SHOC1: variants seen among roughly 807,000 people sequenced by gnomAD.
The protein encoded by SHOC1 is protein shortage in chiasmata 1 ortholog.
Under a neutral mutation model 179.2 loss-of-function variants are expected in SHOC1, and 136 were observed. That is an observed-to-expected ratio of 0.76 (90% CI 0.66 to 0.87). The LOEUF (loss-of-function observed/expected upper bound fraction) is 0.87, where lower values mean the gene tolerates loss of function less well. SHOC1 is among the 40% of genes least tolerant of loss of function. The probability of loss-of-function intolerance (pLI) is 0.00; values close to 1 mark genes in which losing one functional copy is unlikely to be tolerated. For missense variants in SHOC1, 1,538 were observed against 1,700.8 expected, an observed-to-expected ratio of 0.90 and a Z score of 1.68; for synonymous variants, 489 against 586.6, an observed-to-expected ratio of 0.83 and a Z score of 2.41.
At chr9:111,727,251 A>G (rs573355439) in intron 13 of SHOC1, among the ~76,000 whole-genome samples, 18 of 152,308 alleles carry the variant, frequency 1.2e-4, no homozygotes, top group African/African-American at 4.1e-4. Flanking sequence ...AAGTACACAT[A>G]AAAATATAAT....
Position 111,689,351 on chromosome 9 carries a change from T to A in SHOC1, c.4426+2200A>T, listed in dbSNP as rs577594247. ...TGTCAATAATAATAATAATAATAAT[T>A]ATTATTATTATTTTAAAAAGCAATG... On this transcript the variant is annotated intron_variant, in intron 27 of 27. Transcript: ENST00000682961. 3.2e-3 allele frequency among the ~76,000 whole-genome samples: 452 copies of A among 143,106 alleles called. 2 individuals carry two copies. Among genetic ancestry groups the A allele is most frequent in the East Asian group, 0.014 (62 of 4,556 alleles). 93.9% of individuals were successfully genotyped at this position (143,106 alleles called of 152,430 possible).
At chr9:111,789,921 T>C (rs1211269214) in intron 2 of SHOC1, among the ~76,000 whole-genome samples, 1 of 152,216 alleles carries the variant, frequency 6.6e-6, no homozygotes, top group African/African-American at 2.4e-5. Context: ...ATGTCTTTCT[T>C]ATTTCCTGTA....
chr9:111,738,631 GCATTAGAAAATAA>G, intron 11 of SHOC1, 109 bp from the exon 12 acceptor site: 2 of 1,022,652 alleles, frequency 2.0e-6, no homozygotes, highest in Non-Finnish European at 2.6e-6. Context: ...GCATTTTTAT[GCATTAGAAAATAA>G]GTGAAACTTG....
At chr9:111,767,670 G>C (rs1056196478) in intron 5 of SHOC1, among the ~76,000 whole-genome samples, 1 of 152,064 alleles carries the variant, frequency 6.6e-6, no homozygotes, top group African/African-American at 2.4e-5. Flanking sequence ...GCTATTTGGG[G>C]TCTTTTGTGA....
At chr9:111,775,003 A>ATT (rs1036352445) in intron 5 of SHOC1, among the ~76,000 whole-genome samples, 1 of 150,376 alleles carries the variant, frequency 6.6e-6, no homozygotes, top group Non-Finnish European at 1.5e-5. Flanking sequence ...TTAAAAAAAA[A>ATT]TTTTTTTTTT....
chr9:111,721,532 G>T (rs1833051769), intron 15 of SHOC1, among the ~76,000 whole-genome samples: 1 of 152,090 alleles, frequency 6.6e-6, no homozygotes, highest in Non-Finnish European at 1.5e-5. Flanking sequence ...TAGAGATGGG[G>T]TTTCACCATG....
chr9:111,791,291 G>T, intron 2 of SHOC1, 83 bp downstream of exon 2: 1 of 670,640 alleles, frequency 1.5e-6, no homozygotes, highest in Middle Eastern at 3.9e-4. Flanking sequence ...TCAGATAAGG[G>T]ATACTCAACC....
intron 4 of SHOC1, 79 bp from the exon 5 acceptor site, chr9:111,776,054 G>A: frequency 9.3e-7 from 1 of 1,079,824 alleles, no homozygotes; most frequent in Non-Finnish European, 1.3e-6. Flanking sequence ...TATGTCCACT[G>A]TGGAAAAAAT....
At chr9:111,743,542 C>G (rs1184714495) in intron 10 of SHOC1, among the ~76,000 whole-genome samples, 2 of 152,154 alleles carry the variant, frequency 1.3e-5, no homozygotes, top group Non-Finnish European at 2.9e-5. Context: ...ATCAGATCAG[C>G]TGTTGCAGAA....
At chr9:111,689,605 A>T (rs1306973406) in intron 27 of SHOC1, among the ~76,000 whole-genome samples, 1 of 29,428 alleles carries the variant, frequency 3.4e-5, no homozygotes, top group Non-Finnish European at 5.1e-5. Flanking sequence ...GGAAAAATAA[A>T]TTTTTTTTAA....
chr9:111,714,616 C>A lies in SHOC1; in HGVS notation c.2244G>T (p.Leu748Phe). The change falls in exon 17 of 28, where the codon TTG becomes TTT. Residue 748 changes from leucine to phenylalanine, a missense_variant. Transcript: ENST00000682961. ...TCSLDTALGY[L>F]SKAKDIYNSI... is the part of the protein sequence containing the mutation. Reference sequence around the variant, plus strand: ...TGTTGTAGATATCTTTTGCCTTCGACAAATATCCTATTGAAGCAAAATTAG... The same window carrying A: ...TGTTGTAGATATCTTTTGCCTTCGAAAAATATCCTATTGAAGCAAAATTAG... 6.2e-7 allele frequency: 1 copy of A among 1,607,720 alleles called. No homozygotes were observed. Among genetic ancestry groups the A allele is most frequent in the Non-Finnish European group, 8.5e-7 (1 of 1,178,596 alleles).
Position 111,759,265 on chromosome 9 carries a change from T to A in SHOC1, c.443-417A>T, listed in dbSNP as rs746766000. The stretch of plus-strand genomic sequence containing the variant: ...TCATTTTACCTCTTAATATCTCCAA[T>A]TCATCCCCCAGAGTCTCTGACATGT... On this transcript the variant is annotated intron_variant, in intron 5 of 27. Coordinates refer to ENST00000682961, the MANE Select transcript of SHOC1 (RefSeq NM_001378211.1). 7 of 1,613,472 alleles carry A rather than the reference T, an allele frequency of 4.3e-6. No individual in the cohort carries two copies. The East Asian group carries it at 1.6e-4, about 36-fold the overall frequency.
chr9:111,761,329 C>T (rs1433008596), intron 5 of SHOC1, among the ~76,000 whole-genome samples: 1 of 152,000 alleles, frequency 6.6e-6, no homozygotes, highest in Non-Finnish European at 1.5e-5. Context: ...TGGCGAAACC[C>T]CCTCTCTACT....
chr9:111,786,241 T>A (rs1186808444), intron 2 of SHOC1, among the ~76,000 whole-genome samples: 1 of 152,190 alleles, frequency 6.6e-6, no homozygotes, highest in Admixed American at 6.5e-5. Context: ...TGAGACCATC[T>A]GGCTAACACG....
At chr9:111,720,585 G>C (rs752301135) in intron 15 of SHOC1, among the ~76,000 whole-genome samples, 2 of 152,110 alleles carry the variant, frequency 1.3e-5, no homozygotes, top group Non-Finnish European at 2.9e-5. Context: ...GCTAATTACA[G>C]TATGTTAGGC....
intron 2 of SHOC1, among the ~76,000 whole-genome samples, chr9:111,788,161 C>T (rs1355429283): frequency 1.0e-4 from 15 of 148,496 alleles, no homozygotes; most frequent in Admixed American, 8.1e-4. Flanking sequence ...CAGCCTCCCG[C>T]GTTCAAGCTG....
At chr9:111,738,250 C>T (rs756060984) in intron 12 of SHOC1, 30 bp downstream of exon 12, 9 of 1,565,664 alleles carry the variant, frequency 5.7e-6, no homozygotes, top group South Asian at 1.1e-5. Context: ...AAAATGTTTA[C>T]ATAACTAATA....
In SHOC1 at chr9:111,728,077, G is replaced by GT. The variant is rs767149959; in HGVS notation, c.1418-29dup. The GT allele has an allele frequency of 1.5e-5, 22 of 1,477,940 alleles. 1 individual carries two copies. The Admixed American group carries it at 4.8e-4, about 32-fold the overall frequency. The allele number at this position is 1,477,940 out of a possible 1,614,324, so 91.6% of individuals were successfully genotyped here. On this transcript the variant is annotated intron_variant, in intron 12 of 27. Transcript: ENST00000682961. ...GAAAACAGAAAATAACAACACACAA[G>GT]TAACTTCCACACCTAAACGAGTGTT...
rs1048251907 is a variant in SHOC1 at position 111,750,901 on chromosome 9, G to A, written c.863-2702C>T. On this transcript the variant is annotated intron_variant, in intron 8 of 27. Coordinates refer to ENST00000682961, the MANE Select transcript of SHOC1 (RefSeq NM_001378211.1). ...TATTGCAATTGCTTTTGGCGTTTTC[G>A]TCATGCAATCTTTTCCCATGCCTAT... 7.5e-4 allele frequency among the ~76,000 whole-genome samples: 114 copies of A among 151,998 alleles called. 2 individuals are homozygous for A. The highest frequency in any genetic ancestry group is 6.7e-3 in the Admixed American group (102 of 15,258).
Sources: allele counts gnomAD v4.1 joint callset (sites outside exome capture counted in the v4.1 genomes callset), GRCh38; gene constraint gnomAD v4.1.1; transcripts MANE v1.5; gene names NCBI Gene and HGNC (gene_info 2026-07-23, HGNC 2026-07-21).